BST1: variants seen among roughly 807,000 people sequenced by gnomAD.
BST1 encodes the protein bone marrow stromal cell antigen 1, also known as ADP-ribosyl cyclase/cyclic ADP-ribose hydrolase 2.
A neutral mutation model predicts 40.6 loss-of-function variants in BST1; 49 were observed. The ratio of observed to expected loss-of-function variants is 1.21; its 90% CI spans 0.96 to 1.53. The LOEUF (loss-of-function observed/expected upper bound fraction) is 1.53. BST1 is among the 40% of genes most tolerant of loss of function. The pLI is 0.00. For missense variants in BST1, 423 were observed against 395.9 expected (o/e 1.07, Z -0.58); for synonymous variants, 157 against 159.3 (o/e 0.99, Z 0.11).
intron 4 of BST1, among the ~76,000 whole-genome samples, chr4:15,714,733 C>T (rs772569557): frequency 2.0e-5 from 3 of 152,178 alleles, no homozygotes; most frequent in Non-Finnish European, 4.4e-5. Flanking sequence ...GTTTGCACTC[C>T]CTGCCTCATG....
chr4:15,729,018 T>C (rs1023344327), intron 8 of BST1, among the ~76,000 whole-genome samples: 2 of 152,184 alleles, frequency 1.3e-5, no homozygotes, highest in Admixed American at 6.5e-5. Context: ...TGAACCAGTA[T>C]TGGAATTTGT....
chr4:15,762,242 T>C, the BST1 span, among the ~76,000 whole-genome samples: 1 of 142,832 alleles, frequency 7.0e-6, no homozygotes, highest in Admixed American at 7.0e-5. Flanking sequence ...TTCAAAACCA[T>C]GCATACATAT....
At chr4:15,745,399 T>G in the BST1 span, among the ~76,000 whole-genome samples, 1 of 152,262 alleles carries the variant, frequency 6.6e-6, no homozygotes, top group African/African-American at 2.4e-5. Flanking sequence ...TGTTTCAGTA[T>G]ATTTAACTTA....
downstream of BST1, among the ~76,000 whole-genome samples, chr4:15,734,385 A>G (rs1721487804): frequency 6.6e-6 from 1 of 152,244 alleles, no homozygotes; most frequent in African/African-American, 2.4e-5. Flanking sequence ...ACATTTAATC[A>G]CATAGGAAAA....
In BST1 at chr4:15,713,943, A is replaced by T. The variant is rs545706450; in HGVS notation, c.535-1342A>T. ...GGTCGCAAACTCCTGACCCCAGGTG[A>T]TCTGCCCACCTCAGTCTCCCAAATG... On this transcript the variant is annotated intron_variant, in intron 4 of 8. Coordinates refer to ENST00000265016, the MANE Select transcript of BST1 (RefSeq NM_004334.3). Among the ~76,000 whole-genome samples, 3 of 152,196 alleles carry T rather than the reference A, an allele frequency of 2.0e-5. No homozygotes were observed. In the East Asian group the frequency reaches 5.8e-4, roughly 29 times the overall value.
chr4:15,707,787 A>C (rs1182481176), intron 3 of BST1, 141 bp downstream of exon 3: 3 of 1,061,344 alleles, frequency 2.8e-6, no homozygotes, highest in African/African-American at 3.2e-5. Flanking sequence ...AATAGTTAAT[A>C]ATAACAATAC....
the BST1 span, among the ~76,000 whole-genome samples, chr4:15,750,045 A>G: frequency 1.3e-5 from 2 of 150,014 alleles, no homozygotes; most frequent in African/African-American, 2.5e-5. Flanking sequence ...CCATGAGTTC[A>G]GATGGTTTGA....
At chr4:15,772,064 G>A in the BST1 span, among the ~76,000 whole-genome samples, 1 of 151,824 alleles carries the variant, frequency 6.6e-6, no homozygotes, top group African/African-American at 2.4e-5. Context: ...ATGGGAAGAG[G>A]GGAGTTCAGG....
intron 8 of BST1, among the ~76,000 whole-genome samples, chr4:15,728,350 T>A (rs1721215128): frequency 6.6e-6 from 1 of 152,150 alleles, no homozygotes. Flanking sequence ...GGTATTTAAT[T>A]ATTGGCAATA....
intron 1 of BST1, 31 bp downstream of exon 1, chr4:15,703,363 C>G: frequency 1.4e-6 from 2 of 1,410,506 alleles, no homozygotes; most frequent in East Asian, 3.1e-5. Context: ...GAAGGGGAGC[C>G]GGAAAGAGGC....
In BST1 at chr4:15,713,894, G is replaced by T. The variant is rs191735388; in HGVS notation, c.535-1391G>T. The stretch of plus-strand genomic sequence containing the variant: ...AATTTTTGCATTTTTAGTTGAGATG[G>T]GTTTTTGCCATGTTAGCCAGACTGG... On this transcript the variant is annotated intron_variant, in intron 4 of 8. Coordinates refer to ENST00000265016, the MANE Select transcript of BST1 (RefSeq NM_004334.3). Among the ~76,000 whole-genome samples, 12 of 152,050 alleles carry T rather than the reference G, an allele frequency of 7.9e-5. No homozygotes were observed. The East Asian group carries it at 1.7e-3, about 22-fold the overall frequency.
the BST1 span, among the ~76,000 whole-genome samples, chr4:15,766,657 G>A: frequency 6.6e-6 from 1 of 151,750 alleles, no homozygotes; most frequent in Non-Finnish European, 1.5e-5. Flanking sequence ...GGTCACAGGT[G>A]TGATCTGTGT....
At position 15,718,573 on chromosome 4, in the gene BST1, T is replaced by C. The variant is rs535475240; in HGVS notation, c.705-334T>C. The stretch of plus-strand genomic sequence containing the variant: ...GTGAACAAATTGGCAGGTAGCATTG[T>C]GTCGAGCCCCTGGAGCACATTGCAG... On this transcript the variant is annotated intron_variant, in intron 6 of 8. Transcript: ENST00000265016. Among the ~76,000 whole-genome samples, 229 of 152,336 alleles carry C rather than the reference T, an allele frequency of 1.5e-3. 3 individuals are homozygous for C. The highest frequency in any genetic ancestry group is 5.3e-3 in the African/African-American group (221 of 41,586).
At chr4:15,753,772 G>A in the BST1 span, among the ~76,000 whole-genome samples, 3 of 152,236 alleles carry the variant, frequency 2.0e-5, no homozygotes, top group African/African-American at 7.2e-5. Context: ...GAAAATCGGA[G>A]GAGGTTTAAT....
intron 8 of BST1, chr4:15,731,191 GC>G: frequency 2.3e-6 from 1 of 433,606 alleles, no homozygotes; most frequent in Non-Finnish European, 4.3e-6. Context: ...ATCCACTTTG[GC>G]CACCATGTTT....
the BST1 span, among the ~76,000 whole-genome samples, chr4:15,767,749 G>C: frequency 1.3e-5 from 2 of 151,720 alleles, no homozygotes; most frequent in African/African-American, 4.8e-5. Flanking sequence ...AAGCTGGATT[G>C]ATGTGGGGAA....
intron 8 of BST1, among the ~76,000 whole-genome samples, chr4:15,727,035 G>C (rs761677401): frequency 1.3e-5 from 2 of 152,024 alleles, no homozygotes; most frequent in African/African-American, 4.8e-5. Flanking sequence ...GCAGTGTCAG[G>C]CTTCCAGCTG....
chr4:15,760,852 C>CT, the BST1 span, among the ~76,000 whole-genome samples: 781 of 138,750 alleles, frequency 5.6e-3, 9 homozygotes, highest in East Asian at 0.022. Flanking sequence ...CCACGCCTAG[C>CT]TTTTTTTTTT....
chr4:15,720,389 C>T (rs1337650652), intron 7 of BST1, among the ~76,000 whole-genome samples: 7 of 151,842 alleles, frequency 4.6e-5, no homozygotes, highest in African/African-American at 1.7e-4. Flanking sequence ...AAGGCCGAGG[C>T]GGGCGGATAA....
Sources: gnomAD v4.1 joint callset for allele counts (sites outside exome capture counted in the v4.1 genomes callset) on GRCh38, gnomAD v4.1.1 for gene constraint, MANE v1.5 for transcripts, NCBI Gene and HGNC (gene_info 2026-07-23, HGNC 2026-07-21) for gene names.